Variants in FNDC3A observed in about 807,000 individuals in gnomAD.
The protein encoded by FNDC3A is fibronectin type III domain containing 3A, also known as fibronectin type-III domain-containing protein 3A.
Under a neutral mutation model 148.9 loss-of-function variants are expected in FNDC3A, and 32 were observed. The ratio of observed to expected loss-of-function variants is 0.21; its 90% CI spans 0.16 to 0.29. The LOEUF (loss-of-function observed/expected upper bound fraction) is 0.29, where lower values mean the gene tolerates loss of function less well. FNDC3A is among the 10% of genes least tolerant of loss of function. FNDC3A has a pLI of 1.00. For synonymous variants in FNDC3A, 472 were observed against 473.6 expected (o/e 1.00, Z 0.04); for missense variants, 1,191 against 1,452.8 (o/e 0.82, Z 2.93).
At chr13:49,007,467 A>G (rs963166486) in intron 2 of FNDC3A, among the ~76,000 whole-genome samples, 2 of 152,146 alleles carry the variant, frequency 1.3e-5, no homozygotes, top group African/African-American at 2.4e-5. Flanking sequence ...AGGTTGTCCA[A>G]GTGTCTTCAG....
At position 49,041,548 on chromosome 13, in the gene FNDC3A, C is replaced by T. The variant is rs558870813; in HGVS notation, c.100-33741C>T. ...ATTATTGGCTAGGCACAGTGGCTCA[C>T]GCCTGTAATCCCAACACTTTGGGAG... On this transcript the variant is annotated intron_variant, in intron 2 of 25. Transcript: ENST00000492622. Among the ~76,000 whole-genome samples the T allele has an allele frequency of 1.2e-4, 18 of 152,292 alleles. No individual in the cohort carries two copies. The South Asian group carries it at 3.5e-3, about 30-fold the overall frequency.
chr13:49,053,449 C>T (rs1447639690), intron 2 of FNDC3A, among the ~76,000 whole-genome samples: 3 of 152,152 alleles, frequency 2.0e-5, no homozygotes, highest in Admixed American at 6.5e-5. Context: ...TCAGGATGTC[C>T]TGTGAACATG....
chr13:49,115,994 T>C lies in FNDC3A; in HGVS notation c.252+1263T>C, dbSNP rs145593600. 2.6e-5 allele frequency among the ~76,000 whole-genome samples: 4 copies of C among 152,318 alleles called. No homozygotes were observed. The East Asian group carries it at 7.7e-4, about 29-fold the overall frequency. On this transcript the variant is annotated intron_variant, in intron 4 of 25. Coordinates refer to ENST00000492622, the MANE Select transcript of FNDC3A (RefSeq NM_001079673.2). Reference sequence around the variant, plus strand: ...CTTCTCAGATCTTCCTTCTCTTACATGAAGACTGTTCTCTAGCATAGTTCA... The same window carrying C: ...CTTCTCAGATCTTCCTTCTCTTACACGAAGACTGTTCTCTAGCATAGTTCA...
chr13:49,143,667 T>C (rs919790663), intron 7 of FNDC3A, among the ~76,000 whole-genome samples: 1 of 152,166 alleles, frequency 6.6e-6, no homozygotes, highest in African/African-American at 2.4e-5. Flanking sequence ...AAATACTTTA[T>C]TTGTGTAACT....
At chr13:49,072,400 G>A (rs1351670196) in intron 2 of FNDC3A, among the ~76,000 whole-genome samples, 1 of 152,064 alleles carries the variant, frequency 6.6e-6, no homozygotes, top group Non-Finnish European at 1.5e-5. Context: ...AAGAAAATGA[G>A]TTGGCTCTAA....
At chr13:49,064,312 G>A (rs1406472819) in intron 2 of FNDC3A, among the ~76,000 whole-genome samples, 1 of 151,798 alleles carries the variant, frequency 6.6e-6, no homozygotes, top group Non-Finnish European at 1.5e-5. Context: ...TTGCACTACA[G>A]CCTGGGCAAC....
intron 8 of FNDC3A, among the ~76,000 whole-genome samples, chr13:49,148,191 T>C: frequency 6.6e-6 from 1 of 152,206 alleles, no homozygotes; most frequent in Non-Finnish European, 1.5e-5. Flanking sequence ...GTGTTGGTTG[T>C]TTCCTCTGCT....
chr13:49,172,177 C>A, intron 11 of FNDC3A, 81 bp downstream of exon 11: 3 of 842,892 alleles, frequency 3.6e-6, no homozygotes, highest in Non-Finnish European at 5.8e-6. Context: ...TTGTTTTAAT[C>A]ATCAAGTATA....
At chr13:49,017,797 G>T (rs917080491) in intron 2 of FNDC3A, among the ~76,000 whole-genome samples, 8 of 151,546 alleles carry the variant, frequency 5.3e-5, no homozygotes, top group Non-Finnish European at 7.4e-5. Context: ...GGCAGGCCTG[G>T]TGGTGACAAA....
intron 10 of FNDC3A, among the ~76,000 whole-genome samples, chr13:49,170,986 TC>T (rs1884726228): frequency 6.6e-6 from 1 of 152,202 alleles, no homozygotes; most frequent in Non-Finnish European, 1.5e-5. Context: ...TTTTGATCTC[TC>T]TCTTTGGATT....
intron 2 of FNDC3A, among the ~76,000 whole-genome samples, chr13:49,013,421 C>T (rs2137617249): frequency 6.6e-6 from 1 of 151,164 alleles, no homozygotes; most frequent in East Asian, 1.9e-4. Flanking sequence ...TACATGTGCA[C>T]AATGTGCAGG....
intron 8 of FNDC3A, among the ~76,000 whole-genome samples, chr13:49,149,038 T>C (rs2137976577): frequency 6.6e-6 from 1 of 152,302 alleles, no homozygotes; most frequent in Non-Finnish European, 1.5e-5. Context: ...GATGCTGATT[T>C]TTGTATTTTG....
chr13:49,179,742 C>G (rs938863904), intron 14 of FNDC3A, among the ~76,000 whole-genome samples: 3 of 152,146 alleles, frequency 2.0e-5, no homozygotes, highest in Non-Finnish European at 4.4e-5. Flanking sequence ...TACAAGCTGG[C>G]TTCAGAATCC....
chr13:49,008,861 G>T (rs958938473), intron 2 of FNDC3A, among the ~76,000 whole-genome samples: 11 of 152,032 alleles, frequency 7.2e-5, no homozygotes, highest in African/African-American at 2.4e-4. Flanking sequence ...TTTTAGAGCA[G>T]TTTTAGGCTT....
intron 1 of FNDC3A, among the ~76,000 whole-genome samples, chr13:48,998,565 G>A (rs565960976): frequency 7.6e-4 from 115 of 152,082 alleles, no homozygotes; most frequent in African/African-American, 2.7e-3. Context: ...TCCAAAATCT[G>A]AAAAAAATGT....
At chr13:49,010,520 T>C (rs2137608805) in intron 2 of FNDC3A, among the ~76,000 whole-genome samples, 1 of 152,310 alleles carries the variant, frequency 6.6e-6, no homozygotes, top group South Asian at 2.1e-4. Flanking sequence ...CTGTGATGAA[T>C]GGATGCCAAC....
At chr13:49,155,180 T>C (rs28848919) in intron 8 of FNDC3A, among the ~76,000 whole-genome samples, 4 of 151,892 alleles carry the variant, frequency 2.6e-5, no homozygotes, top group Non-Finnish European at 4.4e-5. Flanking sequence ...CTATTGATTA[T>C]CGCCACAATT....
intron 19 of FNDC3A, among the ~76,000 whole-genome samples, chr13:49,196,191 T>C (rs183304775): frequency 2.7e-4 from 41 of 151,758 alleles, no homozygotes; most frequent in Non-Finnish European, 4.4e-5. Flanking sequence ...CTGACCATTA[T>C]AATGATGCGC....
chr13:49,135,460 T>A (rs937381281), intron 5 of FNDC3A, among the ~76,000 whole-genome samples: 9 of 152,108 alleles, frequency 5.9e-5, no homozygotes, highest in African/African-American at 2.2e-4. Context: ...CTTCTAAGAG[T>A]TCTATAGTTT....
Sources: gnomAD v4.1 joint callset for allele counts (sites outside exome capture counted in the v4.1 genomes callset) on GRCh38, gnomAD v4.1.1 for gene constraint, MANE v1.5 for transcripts, NCBI Gene and HGNC (gene_info 2026-07-23, HGNC 2026-07-21) for gene names.